SMAP2: variants seen among roughly 807,000 people sequenced by gnomAD.
The protein encoded by SMAP2 is small ArfGAP2, also known as stromal membrane-associated protein 2.
In SMAP2, 25 loss-of-function variants were observed where a neutral mutation model predicts 56.4. That is an observed-to-expected ratio of 0.44 (90% confidence interval 0.32 to 0.62). The LOEUF (loss-of-function observed/expected upper bound fraction) is 0.62, where lower values mean the gene tolerates loss of function less well. Among genes scored for constraint, SMAP2 ranks in the 20% least tolerant of loss-of-function variants. The probability of loss-of-function intolerance (pLI) is 0.04; values close to 1 mark genes in which losing one functional copy is unlikely to be tolerated. For synonymous variants in SMAP2, 157 were observed against 181.7 expected (o/e 0.86, Z 1.09); for missense variants, 388 against 545.6 (o/e 0.71, Z 2.88).
chr1:40,370,823 A>T (rs558732867), upstream of SMAP2, among the ~76,000 whole-genome samples: 98 of 141,760 alleles, frequency 6.9e-4, no homozygotes, highest in African/African-American at 2.6e-3. Context: ...AACCTGCACA[A>T]TGTGCACATG....
In SMAP2 at chr1:40,416,187, C is replaced by T. The variant is rs1448135261; in HGVS notation, c.693C>T (p.Ser231=). 4 of 1,613,692 alleles carry T rather than the reference C, an allele frequency of 2.5e-6. No homozygotes were observed. The Admixed American group carries it at 5.0e-5, about 20-fold the overall frequency. ...CTCTTTGCCCTAAGGTTGTAGGTTC[C>T]ATGCCAACTGCAGGGAGTGCCGGCT... ...SSSGSRKVVG[S]MPTAGSAGSV... The change falls in exon 8 of 10, where the codon TCC becomes TCT. Residue 231 remains serine (S), a synonymous_variant. Coordinates refer to ENST00000372718, the MANE Select transcript of SMAP2 (RefSeq NM_022733.3).
intron 4 of SMAP2, among the ~76,000 whole-genome samples, chr1:40,412,249 C>T (rs986278030): frequency 6.6e-6 from 1 of 152,086 alleles, no homozygotes; most frequent in Non-Finnish European, 1.5e-5. Context: ...ACATTTGTCT[C>T]TTCCTAGTTT....
chr1:40,374,189 G>T lies in SMAP2; in HGVS notation c.69G>T (p.Glu23Asp). ...TCCTGGCCAACCTGCTGCTGGAGGA[G>T]GATAACAAGTTTTGTGCAGATTGCC... ...QAVLANLLLE[E>D]DNKFCADCQS... Residue 23 changes from glutamate to aspartate, a missense_variant, in exon 1 of 10, where the codon GAG becomes GAT. Transcript: ENST00000372718. This position sits in a 1 kb window ranked among gnomAD's most constrained non-coding sequence, Gnocchi z 5.9. 6.2e-7 allele frequency: 1 copy of T among 1,613,654 alleles called. No individual in the cohort carries two copies. The highest frequency in any genetic ancestry group is 1.1e-5 in the South Asian group (1 of 90,934).
intron 1 of SMAP2, among the ~76,000 whole-genome samples, chr1:40,396,266 G>C (rs1367157858): frequency 6.6e-6 from 1 of 152,092 alleles, no homozygotes; most frequent in Non-Finnish European, 1.5e-5. Flanking sequence ...TCTAATAGTG[G>C]GTGCCGTCTA....
chr1:40,376,860 A>G lies in SMAP2; in HGVS notation c.103+2637A>G, dbSNP rs140885336. 1.6e-4 allele frequency among the ~76,000 whole-genome samples: 24 copies of G among 152,358 alleles called. No individual in the cohort carries two copies. In the East Asian group the frequency reaches 4.4e-3, roughly 28 times the overall value. ...AATATCCAGTTAGATGATGTGGCAT[A>G]GACTATCGACCTATGAGCAGGTATT... On this transcript the variant is annotated intron_variant, in intron 1 of 9. Transcript: ENST00000372718.
rs775594225 is a variant in SMAP2, at chr1:40,408,606, C to A, written c.238-47C>A. On this transcript the variant is annotated intron_variant, in intron 2 of 9. Coordinates refer to ENST00000372718, the MANE Select transcript of SMAP2 (RefSeq NM_022733.3). The surrounding 1 kb of genome is among the most constrained non-coding windows in gnomAD (Gnocchi z 4.3). The stretch of plus-strand genomic sequence containing the variant: ...GAATTGGGTGAGAAGTTTTTCAGTT[C>A]TTTCTTGATCTGACGTTCCATGTTT... The A allele has an allele frequency of 5.8e-6, 9 of 1,541,300 alleles. No individual in the cohort carries two copies. Among genetic ancestry groups the A allele is most frequent in the Non-Finnish European group, 7.2e-6 (8 of 1,115,582 alleles).
chr1:40,402,319 CT>C lies in SMAP2; in HGVS notation c.104-4413del, dbSNP rs146281753. Among the ~76,000 whole-genome samples the C allele has an allele frequency of 9.0e-3, 1,376 of 152,230 alleles. 18 individuals are homozygous for C. Among genetic ancestry groups the C allele is most frequent in the African/African-American group, 0.032 (1,310 of 41,524 alleles). The stretch of plus-strand genomic sequence containing the variant: ...TATATCCGTCACCTTAGACATTTAT[CT>C]TTTCTTTATGCTGGGAATATTTGAA... On this transcript the variant is annotated intron_variant, in intron 1 of 9. Coordinates refer to ENST00000372718, the MANE Select transcript of SMAP2 (RefSeq NM_022733.3).
At chr1:40,387,059 C>A (rs1470001832) in intron 1 of SMAP2, among the ~76,000 whole-genome samples, 1 of 151,984 alleles carries the variant, frequency 6.6e-6, no homozygotes, top group African/African-American at 2.4e-5. Flanking sequence ...TGCCATGTTG[C>A]CCAGGCTAGT....
chr1:40,374,871 T>TG lies in SMAP2; in HGVS notation c.103+650dup. The TG allele has an allele frequency of 1.0e-6, 1 of 985,396 alleles. No individual in the cohort carries two copies. The highest frequency in any genetic ancestry group is 1.2e-6 in the Non-Finnish European group (1 of 829,926). The allele number at this position is 985,396 out of a possible 1,614,324, so 61.0% of individuals were successfully genotyped here. A position where few individuals can be genotyped will look rare whatever the true frequency, so the allele number is the denominator to read the frequency against. On this transcript the variant is annotated intron_variant, in intron 1 of 9. Transcript: ENST00000372718. This position sits in a 1 kb window ranked among gnomAD's most constrained non-coding sequence, Gnocchi z 5.9. ...TGCGGATTTCTAGGCAGTGTAGCCCTGGCTTGTAGAGTGCGTTGGAGGCCT... is the reference window on the plus strand; with the variant it reads ...TGCGGATTTCTAGGCAGTGTAGCCCTGGGCTTGTAGAGTGCGTTGGAGGCCT...
intron 1 of SMAP2, among the ~76,000 whole-genome samples, chr1:40,346,767 T>G (rs1297660300): frequency 2.6e-5 from 4 of 152,076 alleles, no homozygotes; most frequent in Admixed American, 1.3e-4. Context: ...TAAATGAAAA[T>G]GCATAGTTCC....
At chr1:40,400,354 G>A (rs1411357631) in intron 1 of SMAP2, among the ~76,000 whole-genome samples, 1 of 152,250 alleles carries the variant, frequency 6.6e-6, no homozygotes, top group African/African-American at 2.4e-5. Flanking sequence ...GCAGCACAAT[G>A]TGGCTTTGCT....
intron 8 of SMAP2, 137 bp downstream of exon 8, chr1:40,416,478 C>T (rs1569924445): frequency 1.7e-5 from 16 of 927,018 alleles, no homozygotes; most frequent in Non-Finnish European, 2.1e-5. Context: ...ACATGACCAA[C>T]GTATCAGCAG....
chr1:40,420,388 A>G (rs1645030665), intron 9 of SMAP2, among the ~76,000 whole-genome samples: 1 of 152,220 alleles, frequency 6.6e-6, no homozygotes, highest in African/African-American at 2.4e-5. Context: ...CAATTTGAAC[A>G]TCAAAAAGAG....
intron 1 of SMAP2, among the ~76,000 whole-genome samples, chr1:40,347,359 G>A (rs187043829): frequency 3.4e-4 from 52 of 151,788 alleles, no homozygotes; most frequent in African/African-American, 1.2e-3. Context: ...CCAAAGTGCT[G>A]GGATTACAGG....
In SMAP2 at chr1:40,423,119, G is replaced by A. The variant is rs971317780; in HGVS notation, c.*1018G>A. On this transcript the variant is annotated 3_prime_UTR_variant, in exon 10 of 10. Coordinates refer to ENST00000372718, the MANE Select transcript of SMAP2 (RefSeq NM_022733.3). The stretch of plus-strand genomic sequence containing the variant: ...GTCTGCTGATCACTCTTTCATGCCT[G>A]TGTATCCAGGGTGCTCTGTTTCCCC... 2.0e-5 allele frequency: 3 copies of A among 152,622 alleles called. No homozygotes were observed. Among genetic ancestry groups the A allele is most frequent in the African/African-American group, 7.2e-5 (3 of 41,412 alleles). The allele number at this position is 152,622 out of a possible 1,614,324, so 9.5% of individuals were successfully genotyped here.
intron 1 of SMAP2, among the ~76,000 whole-genome samples, chr1:40,349,910 C>T (rs1415187349): frequency 6.6e-6 from 1 of 152,206 alleles, no homozygotes; most frequent in African/African-American, 2.4e-5. Context: ...TTATCTCCAA[C>T]ATTGAGTCAG....
At chr1:40,419,203 A>G (rs1441150000) in intron 9 of SMAP2, among the ~76,000 whole-genome samples, 1 of 152,154 alleles carries the variant, frequency 6.6e-6, no homozygotes, top group Non-Finnish European at 1.5e-5. Context: ...GGACATTGCT[A>G]AAAAGTATTA....
At chr1:40,355,435 TG>T (rs1482899758) in intron 1 of SMAP2, among the ~76,000 whole-genome samples, 1 of 152,232 alleles carries the variant, frequency 6.6e-6, no homozygotes, top group African/African-American at 2.4e-5. Flanking sequence ...ACATAGTAGG[TG>T]TATGTACTTA....
At chr1:40,365,490 A>T (rs897033472) in intron 2 of SMAP2, among the ~76,000 whole-genome samples, 1 of 152,208 alleles carries the variant, frequency 6.6e-6, no homozygotes, top group Non-Finnish European at 1.5e-5. Flanking sequence ...CTCAGTGGCC[A>T]CTGGGACAGA....
Sources: gnomAD v4.1 joint callset for allele counts (sites outside exome capture counted in the v4.1 genomes callset) on GRCh38, gnomAD v4.1.1 for gene constraint, Gnocchi (gnomAD v3.1) non-coding constraint, MANE v1.5 for transcripts, NCBI Gene and HGNC (gene_info 2026-07-23, HGNC 2026-07-21) for gene names.